Variants in PACS2 observed in about 807,000 individuals in gnomAD.
PACS2 encodes PACS1-like protein.
A neutral mutation model predicts 113.0 loss-of-function variants in PACS2; 36 were observed. The ratio of observed to expected loss-of-function variants is 0.32; its 90% CI spans 0.24 to 0.42. PACS2 has a LOEUF of 0.42. PACS2 is among the 10% of genes least tolerant of loss of function. PACS2 has a pLI of 1.00. For synonymous variants in PACS2, 589 were observed against 536.1 expected (o/e 1.10, Z -1.36); for missense variants, 1,015 against 1,239.5 (o/e 0.82, Z 2.72).
At chr14:105,379,902 A>G in intron 10 of PACS2, 73 bp downstream of exon 10, 1 of 1,481,218 alleles carries the variant, frequency 6.8e-7, no homozygotes. Flanking sequence ...CAAATCTCCC[A>G]GCATGTCCTG....
intron 8 of PACS2, among the ~76,000 whole-genome samples, chr14:105,373,871 G>A (rs868923151): frequency 6.6e-6 from 1 of 151,942 alleles, no homozygotes; most frequent in Admixed American, 6.6e-5. Context: ...GGTGGCTCAC[G>A]CCTGTAATCC....
At chr14:105,347,108 G>A (rs116706463) in intron 1 of PACS2, among the ~76,000 whole-genome samples, 2,110 of 147,972 alleles carry the variant, frequency 0.014, 53 homozygotes, top group African/African-American at 0.051. Context: ...CCCACCCAGA[G>A]TGCTCTGGTG....
chr14:105,369,727 G>T, intron 7 of PACS2, 114 bp from the exon 8 acceptor site: 1 of 822,956 alleles, frequency 1.2e-6, no homozygotes, highest in South Asian at 1.6e-5. Flanking sequence ...TGGTGCTGAG[G>T]CCTTGCTGCT....
chr14:105,341,234 C>T (rs1566919040), intron 1 of PACS2, among the ~76,000 whole-genome samples: 1 of 152,196 alleles, frequency 6.6e-6, no homozygotes, highest in Non-Finnish European at 1.5e-5. Flanking sequence ...TTCCTGTATG[C>T]CTCTCGCTTC....
chr14:105,391,512 T>TGCCCCCCCCCCCC, intron 21 of PACS2, 119 bp from the exon 22 acceptor site: 2 of 611,322 alleles, frequency 3.3e-6, no homozygotes, highest in Non-Finnish European at 2.9e-6. Flanking sequence ...CACTGGGGAC[T>TGCCCCCCCCCCCC]CCCACCCTGC....
Position 105,362,398 on chromosome 14 carries a change from C to A in PACS2, c.424-4815C>A, listed in dbSNP as rs1390914209. On this transcript the variant is annotated intron_variant, in intron 4 of 24. Transcript: ENST00000447393. ...CGCCACTGCACTCCAGCCTGGGCGA[C>A]AGAGCGAGACTCCGTCTCAAAAAAA... 2.5e-4 allele frequency among the ~76,000 whole-genome samples: 34 copies of A among 134,018 alleles called. No homozygotes were observed. The South Asian group carries it at 3.0e-3, about 12-fold the overall frequency. The allele number at this position is 134,018 out of a possible 152,430, so 87.9% of individuals were successfully genotyped here.
intron 14 of PACS2, 95 bp from the exon 15 acceptor site, chr14:105,382,712 G>C: frequency 1.1e-6 from 1 of 951,206 alleles, no homozygotes; most frequent in Middle Eastern, 2.2e-4. Flanking sequence ...ACGTGCCTGG[G>C]GTCTCTGGAG....
At chr14:105,310,484 G>A (rs1185413375), upstream of PACS2, among the ~76,000 whole-genome samples, 1 of 146,444 alleles carries the variant, frequency 6.8e-6, no homozygotes, top group East Asian at 2.0e-4. Flanking sequence ...GAGCTGAGAT[G>A]GCACCACTGC....
At position 105,391,611 on chromosome 14, in the gene PACS2, C is replaced by G. The variant is rs1555414828; in HGVS notation, c.2120-20C>G. On this transcript the variant is annotated intron_variant, in intron 21 of 24. Transcript: ENST00000447393. ...AGAGCAGCAGGTGGGCTCAGCCTGC[C>G]CTGTGACTCCTCCCCAAAGGCGACT... 6.2e-7 allele frequency: 1 copy of G among 1,605,838 alleles called. No homozygotes were observed. The highest frequency in any genetic ancestry group is 8.5e-7 in the Non-Finnish European group (1 of 1,178,950).
chr14:105,302,273 G>A (rs2058062248), intron 1 of PACS2, among the ~76,000 whole-genome samples: 1 of 147,638 alleles, frequency 6.8e-6, no homozygotes, highest in Admixed American at 6.9e-5. Context: ...GTGAGATATC[G>A]GCTCACTGCA....
chr14:105,380,587 C>T (rs2080954279), intron 11 of PACS2, among the ~76,000 whole-genome samples: 1 of 148,032 alleles, frequency 6.8e-6, no homozygotes. Context: ...GGTCAGGGCG[C>T]CTGGACTCAC....
At chr14:105,313,664 A>G (rs587650475), upstream of PACS2, among the ~76,000 whole-genome samples, 7 of 152,372 alleles carry the variant, frequency 4.6e-5, no homozygotes, top group African/African-American at 1.4e-4. Flanking sequence ...AACCAGCTCC[A>G]GGTCAATTTG....
intron 7 of PACS2, among the ~76,000 whole-genome samples, chr14:105,369,031 C>T (rs928200689): frequency 3.9e-5 from 6 of 152,248 alleles, no homozygotes; most frequent in African/African-American, 7.2e-5. Context: ...GAGGGTCCAC[C>T]GCCTGGCGCC....
At chr14:105,314,289 T>C (rs1310556270), upstream of PACS2, 2 of 148,062 alleles carry the variant, frequency 1.4e-5, no homozygotes, top group Non-Finnish European at 3.0e-5. Context: ...GCGGGGAGAC[T>C]CGGGGCATGG....
chr14:105,375,674 G>A (rs2061329663), intron 8 of PACS2, among the ~76,000 whole-genome samples: 1 of 152,170 alleles, frequency 6.6e-6, no homozygotes, highest in Admixed American at 6.5e-5. Flanking sequence ...AGGGTGAGGT[G>A]TAACAGCAGG....
At chr14:105,319,225 C>A (rs931415718) in intron 1 of PACS2, among the ~76,000 whole-genome samples, 2 of 152,222 alleles carry the variant, frequency 1.3e-5, no homozygotes, top group Admixed American at 6.5e-5. Context: ...GGATTACAGG[C>A]GTGAGCCACC....
At chr14:105,364,176 G>A (rs2060837166) in intron 4 of PACS2, among the ~76,000 whole-genome samples, 1 of 152,256 alleles carries the variant, frequency 6.6e-6, no homozygotes, top group Admixed American at 6.5e-5. Flanking sequence ...AAGTGGCGCT[G>A]ATAGACTTGC....
rs2060404112 is a variant in PACS2 at position 105,355,470 on chromosome 14, C to T, written c.423+293C>T. On this transcript the variant is annotated intron_variant, in intron 4 of 24. Coordinates refer to ENST00000447393, the MANE Select transcript of PACS2 (RefSeq NM_001100913.3). The surrounding 1 kb of genome is among the most constrained non-coding windows in gnomAD (Gnocchi z 4.1). ...CTTCAGTGGAGGCTGGGTTTTGGGT[C>T]AGGCTGCTCTGGAGTCCTTCCCATG... Among the ~76,000 whole-genome samples, 3 of 152,226 alleles carry T rather than the reference C, an allele frequency of 2.0e-5. No homozygotes were observed. Among genetic ancestry groups the T allele is most frequent in the African/African-American group, 4.8e-5 (2 of 41,464 alleles).
intron 4 of PACS2, among the ~76,000 whole-genome samples, chr14:105,362,387 A>T (rs1478042383): frequency 1.3e-5 from 2 of 149,768 alleles, no homozygotes; most frequent in Non-Finnish European, 3.0e-5. Context: ...ACTGCACTCC[A>T]GCCTGGGCGA....
Sources: gnomAD v4.1 joint callset for allele counts (sites outside exome capture counted in the v4.1 genomes callset) on GRCh38, gnomAD v4.1.1 for gene constraint, Gnocchi (gnomAD v3.1) non-coding constraint, MANE v1.5 for transcripts, NCBI Gene and HGNC (gene_info 2026-07-23, HGNC 2026-07-21) for gene names.